Variants in GALNTL6 observed in about 807,000 individuals in gnomAD.
GALNTL6 encodes the protein polypeptide N-acetylgalactosaminyltransferase-like 6.
A neutral mutation model predicts 73.7 loss-of-function variants in GALNTL6; 46 were observed. That is an observed-to-expected ratio of 0.62 (90% confidence interval 0.49 to 0.80). The LOEUF is 0.80. Among genes scored for constraint, GALNTL6 ranks in the 30% least tolerant of loss-of-function variants. GALNTL6 has a pLI of 0.00. For missense variants in GALNTL6, 604 were observed against 755.0 expected, an observed-to-expected ratio of 0.80 and a Z score of 2.34; for synonymous variants, 259 against 263.7, an observed-to-expected ratio of 0.98 and a Z score of 0.17.
intron 2 of GALNTL6, among the ~76,000 whole-genome samples, chr4:172,176,892 C>A (rs775920510): frequency 2.0e-5 from 3 of 152,086 alleles, no homozygotes; most frequent in Non-Finnish European, 4.4e-5. Context: ...AATCTCTAAA[C>A]AGCTTATTAA....
intron 2 of GALNTL6, among the ~76,000 whole-genome samples, chr4:172,095,023 A>G: frequency 6.6e-6 from 1 of 150,992 alleles, no homozygotes; most frequent in East Asian, 1.9e-4. Context: ...AAAAAAAATC[A>G]CATGGGAAGT....
At chr4:171,936,637 A>G (rs972590719) in intron 2 of GALNTL6, among the ~76,000 whole-genome samples, 3 of 152,150 alleles carry the variant, frequency 2.0e-5, no homozygotes, top group African/African-American at 7.2e-5. Context: ...GGGCTATTAT[A>G]ATCTAAACTT....
intron 5 of GALNTL6, among the ~76,000 whole-genome samples, chr4:172,724,308 A>T (rs761637635): frequency 4.1e-4 from 63 of 152,232 alleles, no homozygotes; most frequent in Non-Finnish European, 6.9e-4. Flanking sequence ...TTTGGAATTT[A>T]TTCAAACCTA....
intron 4 of GALNTL6, among the ~76,000 whole-genome samples, chr4:172,314,599 G>GTTTT (rs1740476535): frequency 9.1e-6 from 1 of 110,404 alleles, no homozygotes; most frequent in Non-Finnish European, 1.8e-5. Context: ...TAATGCGTAG[G>GTTTT]CTTTTTTTTT....
intron 5 of GALNTL6, among the ~76,000 whole-genome samples, chr4:172,372,313 A>G (rs544613633): frequency 6.6e-6 from 1 of 152,164 alleles, no homozygotes; most frequent in African/African-American, 2.4e-5. Flanking sequence ...GGCCACGCAT[A>G]TACATATTTG....
At chr4:172,608,718 A>C (rs1263483442) in intron 5 of GALNTL6, among the ~76,000 whole-genome samples, 1 of 152,030 alleles carries the variant, frequency 6.6e-6, no homozygotes, top group Non-Finnish European at 1.5e-5. Context: ...GAATTGGTAG[A>C]TTGCTTTGGG....
intron 5 of GALNTL6, among the ~76,000 whole-genome samples, chr4:172,746,540 A>G (rs1237788886): frequency 2.0e-5 from 3 of 152,014 alleles, no homozygotes; most frequent in East Asian, 3.8e-4. Flanking sequence ...AAATTTCTCT[A>G]TATTAGCTTT....
At chr4:171,854,850 C>CAA (rs1735640254) in intron 2 of GALNTL6, among the ~76,000 whole-genome samples, 1 of 152,194 alleles carries the variant, frequency 6.6e-6, no homozygotes, top group Non-Finnish European at 1.5e-5. Flanking sequence ...AATACCATCA[C>CAA]ATTGAGGATT....
intron 5 of GALNTL6, among the ~76,000 whole-genome samples, chr4:172,435,653 A>G (rs1474256421): frequency 1.3e-5 from 2 of 152,168 alleles, no homozygotes; most frequent in African/African-American, 2.4e-5. Context: ...ACTAAAATAG[A>G]TCCAAGAACA....
intron 7 of GALNTL6, among the ~76,000 whole-genome samples, chr4:172,821,028 C>T (rs1741894099): frequency 6.6e-6 from 1 of 152,136 alleles, no homozygotes; most frequent in Non-Finnish European, 1.5e-5. Flanking sequence ...TCCAGAAGCC[C>T]CTCAATTAAA....
rs551597859 is a variant in GALNTL6 at position 172,066,111 on chromosome 4, C to T, written c.139-163545C>T. 4.6e-5 allele frequency among the ~76,000 whole-genome samples: 7 copies of T among 152,258 alleles called. No homozygotes were observed. In the East Asian group the frequency reaches 1.4e-3, roughly 29 times the overall value. On this transcript the variant is annotated intron_variant, in intron 2 of 12. Coordinates refer to ENST00000506823, the MANE Select transcript of GALNTL6 (RefSeq NM_001034845.3). The stretch of plus-strand genomic sequence containing the variant: ...TTGACACATCATTATCACCCAAAGT[C>T]CATTGTTTACATCAGGGTTCACTCT...
chr4:172,551,814 G>A (rs1417397594), intron 5 of GALNTL6, among the ~76,000 whole-genome samples: 2 of 152,148 alleles, frequency 1.3e-5, no homozygotes, highest in African/African-American at 2.4e-5. Flanking sequence ...ATACCTGTAT[G>A]AGGATGTTGA....
intron 5 of GALNTL6, among the ~76,000 whole-genome samples, chr4:172,438,922 C>T (rs1731732038): frequency 6.6e-6 from 1 of 152,072 alleles, no homozygotes; most frequent in Non-Finnish European, 1.5e-5. Flanking sequence ...CCCTTACCTA[C>T]ATCTGCATTC....
intron 2 of GALNTL6, among the ~76,000 whole-genome samples, chr4:171,943,574 C>T (rs1372874814): frequency 1.3e-5 from 2 of 152,192 alleles, no homozygotes; most frequent in Non-Finnish European, 2.9e-5. Flanking sequence ...GCTAGACCAA[C>T]TAACTCTCAA....
Position 171,976,226 on chromosome 4 carries a change from G to A in GALNTL6, c.138+161508G>A, listed in dbSNP as rs80283059. Among the ~76,000 whole-genome samples the A allele has an allele frequency of 4.3e-3, 650 of 152,266 alleles. 6 individuals carry two copies. Among genetic ancestry groups the A allele is most frequent in the African/African-American group, 0.015 (614 of 41,558 alleles). ...GCGTAAGCCACTGCACCCAGCCACA[G>A]GCAGCAAATTCTTAACAGACACTAT... On this transcript the variant is annotated intron_variant, in intron 2 of 12. Coordinates refer to ENST00000506823, the MANE Select transcript of GALNTL6 (RefSeq NM_001034845.3).
Position 172,426,481 on chromosome 4 carries a change from C to T in GALNTL6, c.553+77792C>T, listed in dbSNP as rs193139585. 1.5e-4 allele frequency among the ~76,000 whole-genome samples: 23 copies of T among 152,074 alleles called. No individual in the cohort carries two copies. The East Asian group carries it at 4.5e-3, about 29-fold the overall frequency. ...TTTCATCCAGTTTCTAAATAGTATC[C>T]CCGGCACAAAAACAGCTGAATTTTA... On this transcript the variant is annotated intron_variant, in intron 5 of 12. Coordinates refer to ENST00000506823, the MANE Select transcript of GALNTL6 (RefSeq NM_001034845.3).
chr4:171,933,273 A>G (rs1738242819), intron 2 of GALNTL6, among the ~76,000 whole-genome samples: 1 of 152,196 alleles, frequency 6.6e-6, no homozygotes, highest in African/African-American at 2.4e-5. Flanking sequence ...AGCTCATGGT[A>G]AAATAAGAAT....
intron 10 of GALNTL6, among the ~76,000 whole-genome samples, chr4:172,957,877 G>C (rs1165812018): frequency 6.6e-6 from 1 of 152,198 alleles, no homozygotes; most frequent in Admixed American, 6.5e-5. Context: ...GCCTTTGCTG[G>C]TGAGTGGTGA....
chr4:172,121,061 T>C (rs182336664), intron 2 of GALNTL6, among the ~76,000 whole-genome samples: 31 of 152,012 alleles, frequency 2.0e-4, no homozygotes, highest in Non-Finnish European at 4.0e-4. Flanking sequence ...GAATCGGCAT[T>C]GCAATGGGAA....
Sources: gnomAD v4.1 joint callset for allele counts (sites outside exome capture counted in the v4.1 genomes callset) on GRCh38, gnomAD v4.1.1 for gene constraint, MANE v1.5 for transcripts, NCBI Gene and HGNC (gene_info 2026-07-23, HGNC 2026-07-21) for gene names.